Variants in SLC22A23 observed in about 807,000 individuals in gnomAD.
SLC22A23 encodes the protein ion transporter protein.
In SLC22A23, 26 loss-of-function variants were observed where a neutral mutation model predicts 61.0. That is an observed-to-expected ratio of 0.43 (90% CI 0.31 to 0.59). The LOEUF (loss-of-function observed/expected upper bound fraction) is 0.59, where lower values mean the gene tolerates loss of function less well. SLC22A23 is among the 20% of genes least tolerant of loss of function. The pLI, the probability that SLC22A23 is intolerant of heterozygous loss-of-function variation, is 0.11. For synonymous variants in SLC22A23, 430 were observed against 413.9 expected (o/e 1.04, Z -0.47); for missense variants, 796 against 934.7 (o/e 0.85, Z 1.94).
At chr6:3,406,744 C>A (rs1353474291) in intron 3 of SLC22A23, among the ~76,000 whole-genome samples, 1 of 152,064 alleles carries the variant, frequency 6.6e-6, no homozygotes, top group East Asian at 1.9e-4. Context: ...TAGGAAGATG[C>A]CAGTAATCTC....
chr6:3,439,264 A>T (rs769087718), intron 1 of SLC22A23: 1 of 431,348 alleles, frequency 2.3e-6, no homozygotes, highest in Non-Finnish European at 4.6e-6. Context: ...GTCTCCAGAC[A>T]TTGCCGAATG....
chr6:3,366,823 A>G (rs1765868324), intron 3 of SLC22A23, among the ~76,000 whole-genome samples: 1 of 152,158 alleles, frequency 6.6e-6, no homozygotes, highest in Non-Finnish European at 1.5e-5. Flanking sequence ...GATCCTAGCA[A>G]TGGTGGGTAA....
Position 3,334,678 on chromosome 6 carries a change from G to A in SLC22A23, c.914-10676C>T, listed in dbSNP as rs1304065393. 5.3e-5 allele frequency among the ~76,000 whole-genome samples: 8 copies of A among 152,328 alleles called. No individual in the cohort carries two copies. The South Asian group carries it at 1.4e-3, about 28-fold the overall frequency. ...GTCAAATGCTAGGCAGATAAGGAAC[G>A]TGTGAAGCCCGCCGGGTGCTAGGGG... On this transcript the variant is annotated intron_variant, in intron 3 of 9. Transcript: ENST00000406686.
At chr6:3,367,302 G>T (rs9391991) in intron 3 of SLC22A23, among the ~76,000 whole-genome samples, 46,665 of 152,054 alleles carry the variant, frequency 0.31, 7,857 homozygotes, top group East Asian at 0.52. Context: ...GGTTCAGTTA[G>T]TTGGGTATTC....
rs538490116 is a variant in SLC22A23 at position 3,333,529 on chromosome 6, C to A, written c.914-9527G>T. ...CTGCTCCTCTAACCCAGCAAGCACACCCCCCTTCTGGGCTGTGCACTCCCC... is the reference window on the plus strand; with the variant it reads ...CTGCTCCTCTAACCCAGCAAGCACAACCCCCTTCTGGGCTGTGCACTCCCC... On this transcript the variant is annotated intron_variant, in intron 3 of 9. Transcript: ENST00000406686. This position sits in a 1 kb window ranked among gnomAD's most constrained non-coding sequence, Gnocchi z 4.1. 6.6e-6 allele frequency among the ~76,000 whole-genome samples: 1 copy of A among 152,170 alleles called. No homozygotes were observed. The highest frequency in any genetic ancestry group is 1.5e-5 in the Non-Finnish European group (1 of 68,026).
Position 3,456,430 on chromosome 6 carries a change from G to A in SLC22A23, c.130C>T (p.Pro44Ser), listed in dbSNP as rs1772412991. Residue 44 changes from proline to serine, a missense_variant, in exon 1 of 10, where the codon CCC (proline) becomes TCC (serine). Coordinates refer to ENST00000406686, the MANE Select transcript of SLC22A23 (RefSeq NM_015482.2). The surrounding 1 kb of genome is among the most constrained non-coding windows in gnomAD (Gnocchi z 7.1). ...ASAPLGGRAG[P>S]GGGAEIQPLP... ...GGCTGGATCTCCGCGCCGCCGCCGG[G>A]GCCCGCGCGTCCCCCGAGGGGCGCC... 2 of 1,326,230 alleles carry A rather than the reference G, an allele frequency of 1.5e-6. No individual in the cohort carries two copies. Among genetic ancestry groups the A allele is most frequent in the Admixed American group, 3.5e-5 (1 of 28,504 alleles). 82.2% of individuals were successfully genotyped at this position (1,326,230 alleles called of 1,614,324 possible). A position where few individuals can be genotyped will look rare whatever the true frequency, so the allele number is the denominator to read the frequency against.
At position 3,344,368 on chromosome 6, in the gene SLC22A23, G is replaced by A. The variant is rs374519656; in HGVS notation, c.914-20366C>T. Among the ~76,000 whole-genome samples the A allele has an allele frequency of 3.3e-5, 5 of 152,316 alleles. No individual in the cohort carries two copies. The East Asian group carries it at 7.7e-4, about 23-fold the overall frequency. On this transcript the variant is annotated intron_variant, in intron 3 of 9. Transcript: ENST00000406686. ...TAATAGAGAATACCCAAAACAGCTT[G>A]GCCAAATCTCTACATGTGCCATATT...
chr6:3,416,050 G>C (rs1769678440), intron 1 of SLC22A23, among the ~76,000 whole-genome samples, 195 bp from the exon 2 acceptor site: 1 of 152,228 alleles, frequency 6.6e-6, no homozygotes, highest in Admixed American at 6.5e-5. Context: ...AAAAGGAAAT[G>C]TAACATTTTA....
chr6:3,421,208 T>A (rs1381307924), intron 1 of SLC22A23, among the ~76,000 whole-genome samples: 1 of 152,218 alleles, frequency 6.6e-6, no homozygotes, highest in Non-Finnish European at 1.5e-5. Flanking sequence ...GGTACAAATC[T>A]GTACAAGGAG....
At chr6:3,293,228 A>G (rs1760770845) in intron 5 of SLC22A23, among the ~76,000 whole-genome samples, 2 of 152,210 alleles carry the variant, frequency 1.3e-5, no homozygotes, top group African/African-American at 4.8e-5. Context: ...AAGAAAAGAA[A>G]AAGGAGGAGG....
Position 3,285,119 on chromosome 6 carries a change from C to T in SLC22A23, c.1547-8G>A, listed in dbSNP as rs1759861403. The T allele has an allele frequency of 6.2e-7, 1 of 1,613,346 alleles. No individual in the cohort carries two copies. The highest frequency in any genetic ancestry group is 1.1e-5 in the South Asian group (1 of 90,890). On this transcript the variant is annotated splice_region_variant and splice_polypyrimidine_tract_variant and intron_variant, in intron 7 of 9. Transcript: ENST00000406686. ...GGCTGTACTTTCCAATCACTGGACCCGCAGACATGATCGCACCCACACGGA... is the reference window on the plus strand; with the variant it reads ...GGCTGTACTTTCCAATCACTGGACCTGCAGACATGATCGCACCCACACGGA...
intron 1 of SLC22A23, among the ~76,000 whole-genome samples, chr6:3,434,608 C>CAA (rs67335880): frequency 2.1e-5 from 3 of 141,674 alleles, no homozygotes; most frequent in South Asian, 2.3e-4. Flanking sequence ...GACTCCATCT[C>CAA]AAAAAAAAAA....
chr6:3,330,374 C>T lies in SLC22A23; in HGVS notation c.914-6372G>A, dbSNP rs1763518619. Reference sequence around the variant, plus strand: ...GACCACCACAGTCCTCTGAAGACAGCCCCATCATCCTGGACTGCGCCCCTC... The same window carrying T: ...GACCACCACAGTCCTCTGAAGACAGTCCCATCATCCTGGACTGCGCCCCTC... On this transcript the variant is annotated intron_variant, in intron 3 of 9. Transcript: ENST00000406686. This position sits in a 1 kb window ranked among gnomAD's most constrained non-coding sequence, Gnocchi z 4.7. 6.6e-6 allele frequency among the ~76,000 whole-genome samples: 1 copy of T among 152,234 alleles called. No homozygotes were observed. Among genetic ancestry groups the T allele is most frequent in the South Asian group, 2.1e-4 (1 of 4,832 alleles).
Position 3,298,120 on chromosome 6 carries a change from G to C in SLC22A23, c.1181C>G (p.Pro394Arg). The part of the protein sequence containing the change: ...LHFTQKNRMN[P>R]EGDIKGVIPE... ...TATCACACCCTTGATGTCGCCCTCA[G>C]GGTTCATGCGATTCTTCTGTGTGAA... Residue 394 changes from proline to arginine, a missense_variant, in exon 5 of 10, where the codon CCT (proline) becomes CGT (arginine). Physicochemically the swap from Pro to Arg is moderately radical, Grantham distance 103. Transcript: ENST00000406686. 1.3e-6 allele frequency: 2 copies of C among 1,581,870 alleles called. No homozygotes were observed. Among genetic ancestry groups the C allele is most frequent in the Non-Finnish European group, 1.7e-6 (2 of 1,167,110 alleles).
chr6:3,394,754 C>T (rs1163535692), intron 3 of SLC22A23, among the ~76,000 whole-genome samples: 1 of 152,210 alleles, frequency 6.6e-6, no homozygotes, highest in East Asian at 1.9e-4. Flanking sequence ...AGGCCTGCCC[C>T]GCTCTGGTCT....
chr6:3,367,283 G>A (rs1294688733), intron 3 of SLC22A23, among the ~76,000 whole-genome samples: 1 of 152,158 alleles, frequency 6.6e-6, no homozygotes, highest in African/African-American at 2.4e-5. Context: ...CAGGATAAAG[G>A]GTCAGTCTGG....
At chr6:3,305,725 G>A (rs1219212444) in intron 4 of SLC22A23, among the ~76,000 whole-genome samples, 2 of 152,190 alleles carry the variant, frequency 1.3e-5, no homozygotes, top group African/African-American at 4.8e-5. Context: ...AGCACGGTGG[G>A]TAGCTGGAGC....
chr6:3,454,472 AC>A lies in SLC22A23; in HGVS notation c.654+1433del, dbSNP rs1229725618. 6.6e-6 allele frequency among the ~76,000 whole-genome samples: 1 copy of A among 152,206 alleles called. No individual in the cohort carries two copies. The highest frequency in any genetic ancestry group is 1.5e-5 in the Non-Finnish European group (1 of 68,046). ...ATTATTCTCCCTCTGCTCTAGAAAG[AC>A]ACTTGAAATACTTAACAATGTTGCC... On this transcript the variant is annotated intron_variant, in intron 1 of 9. Coordinates refer to ENST00000406686, the MANE Select transcript of SLC22A23 (RefSeq NM_015482.2). This position sits in a 1 kb window ranked among gnomAD's most constrained non-coding sequence, Gnocchi z 4.3.
rs904457707 is a variant in SLC22A23, at chr6:3,322,015, C to T, written c.1082+1819G>A. ...AGTATTTATTGCATGTACCAGGGTGCCCGGCAGCCTACTTGGCGCTTTGGA... is the reference window on the plus strand; with the variant it reads ...AGTATTTATTGCATGTACCAGGGTGTCCGGCAGCCTACTTGGCGCTTTGGA... On this transcript the variant is annotated intron_variant, in intron 4 of 9. Coordinates refer to ENST00000406686, the MANE Select transcript of SLC22A23 (RefSeq NM_015482.2). This position sits in a 1 kb window ranked among gnomAD's most constrained non-coding sequence, Gnocchi z 4.1. Among the ~76,000 whole-genome samples the T allele has an allele frequency of 6.6e-6, 1 of 152,124 alleles. No individual in the cohort carries two copies. The highest frequency in any genetic ancestry group is 2.4e-5 in the African/African-American group (1 of 41,414).
Sources: allele counts gnomAD v4.1 joint callset (sites outside exome capture counted in the v4.1 genomes callset), GRCh38; gene constraint gnomAD v4.1.1; non-coding constraint Gnocchi (gnomAD v3.1); transcripts MANE v1.5; gene names NCBI Gene and HGNC (gene_info 2026-07-23, HGNC 2026-07-21).